GPC6: variants seen among roughly 807,000 people sequenced by gnomAD.
GPC6 encodes the protein glypican-6.
Under a neutral mutation model 55.2 loss-of-function variants are expected in GPC6, and 14 were observed. The observed-to-expected ratio is 0.25, with a 90% CI of 0.17 to 0.40. The LOEUF is 0.40. Among genes scored for constraint, GPC6 ranks in the 10% least tolerant of loss-of-function variants. The probability of loss-of-function intolerance (pLI) is 1.00; values close to 1 mark genes in which losing one functional copy is unlikely to be tolerated. For synonymous variants in GPC6, 278 were observed against 259.6 expected, an observed-to-expected ratio of 1.07 and a Z score of -0.68; for missense variants, 641 against 708.5, an observed-to-expected ratio of 0.90 and a Z score of 1.08.
chr13:93,268,841 C>T (rs1414791365), intron 1 of GPC6, among the ~76,000 whole-genome samples: 1 of 152,070 alleles, frequency 6.6e-6, no homozygotes, highest in African/African-American at 2.4e-5. Flanking sequence ...TCCCAAGACC[C>T]ACTTCTATGC....
intron 2 of GPC6, among the ~76,000 whole-genome samples, chr13:93,811,125 A>C (rs1886682684): frequency 6.6e-6 from 1 of 152,206 alleles, no homozygotes; most frequent in African/African-American, 2.4e-5. Context: ...GATTCAGGAA[A>C]CTGGGGAAAG....
intron 1 of GPC6, among the ~76,000 whole-genome samples, chr13:93,470,220 T>C (rs1879059875): frequency 6.6e-6 from 1 of 152,194 alleles, no homozygotes; most frequent in Non-Finnish European, 1.5e-5. Flanking sequence ...GTGTTCAGTC[T>C]TTCTTCATTA....
At chr13:93,578,253 T>C (rs937456103) in intron 2 of GPC6, among the ~76,000 whole-genome samples, 8 of 152,152 alleles carry the variant, frequency 5.3e-5, no homozygotes, top group Non-Finnish European at 8.8e-5. Context: ...TGTTCAATTT[T>C]TTTTAAAAAG....
chr13:93,952,895 A>G (rs1219504496), intron 3 of GPC6, among the ~76,000 whole-genome samples: 2 of 146,990 alleles, frequency 1.4e-5, no homozygotes, highest in Non-Finnish European at 1.5e-5. Flanking sequence ...TGTGTGATAT[A>G]TACGTGTATA....
At chr13:93,872,969 A>G (rs1889176167) in intron 3 of GPC6, among the ~76,000 whole-genome samples, 1 of 151,978 alleles carries the variant, frequency 6.6e-6, no homozygotes, top group South Asian at 2.1e-4. Context: ...TCAAAACACT[A>G]AAGGCTGGCA....
At chr13:94,233,097 C>T (rs1242522831) in intron 4 of GPC6, among the ~76,000 whole-genome samples, 1 of 136,964 alleles carries the variant, frequency 7.3e-6, no homozygotes, top group Admixed American at 8.2e-5. Context: ...GTGTGAGATA[C>T]AAATATGCAC....
chr13:93,640,299 T>C (rs1422567032), intron 2 of GPC6, among the ~76,000 whole-genome samples: 1 of 152,076 alleles, frequency 6.6e-6, no homozygotes, highest in Admixed American at 6.6e-5. Context: ...TCAAGGACAA[T>C]AGGAAAAATA....
Position 94,403,231 on chromosome 13 carries a change from G to A in GPC6, c.*14G>A. ...CTGTGCAGATAATCTTGGGTTTTTGGTCAGATGAAACTGCATTTTAGCTAT... is the reference window on the plus strand; with the variant it reads ...CTGTGCAGATAATCTTGGGTTTTTGATCAGATGAAACTGCATTTTAGCTAT... On this transcript the variant is annotated 3_prime_UTR_variant, in exon 9 of 9. Transcript: ENST00000377047. 1.3e-6 allele frequency: 2 copies of A among 1,594,362 alleles called. No individual in the cohort carries two copies. The highest frequency in any genetic ancestry group is 1.7e-6 in the Non-Finnish European group (2 of 1,162,880).
chr13:93,243,111 G>A (rs1014909321), intron 1 of GPC6, among the ~76,000 whole-genome samples: 3 of 152,144 alleles, frequency 2.0e-5, no homozygotes, highest in Non-Finnish European at 1.5e-5. Context: ...TGGGCTCATG[G>A]TGGCAAAAAA....
intron 1 of GPC6, among the ~76,000 whole-genome samples, chr13:93,413,369 G>A (rs1328679804): frequency 6.6e-6 from 1 of 152,096 alleles, no homozygotes; most frequent in Admixed American, 6.6e-5. Flanking sequence ...ACATGACTGT[G>A]TATAACCCTC....
chr13:93,581,022 C>T (rs911427135), intron 2 of GPC6, among the ~76,000 whole-genome samples: 9 of 151,976 alleles, frequency 5.9e-5, no homozygotes, highest in Admixed American at 3.3e-4. Context: ...GGAAAATAGG[C>T]GATTTTGAGC....
chr13:93,507,806 T>C (rs1880794459), intron 1 of GPC6, among the ~76,000 whole-genome samples: 2 of 152,124 alleles, frequency 1.3e-5, no homozygotes, highest in South Asian at 4.1e-4. Flanking sequence ...GAGCAAGATA[T>C]GAATGTTTTT....
At chr13:93,244,125 A>G (rs1159283434) in intron 1 of GPC6, among the ~76,000 whole-genome samples, 1 of 152,036 alleles carries the variant, frequency 6.6e-6, no homozygotes, top group Non-Finnish European at 1.5e-5. Context: ...CCACTGGGGT[A>G]ATGTTTCAGA....
chr13:93,321,094 G>C (rs1292579973), intron 1 of GPC6, among the ~76,000 whole-genome samples: 1 of 151,674 alleles, frequency 6.6e-6, no homozygotes, highest in East Asian at 1.9e-4. Context: ...GGTTATAATG[G>C]ACAGTCTATT....
At position 93,651,841 on chromosome 13, in the gene GPC6, G is replaced by A. The variant is rs1482756340; in HGVS notation, c.319+106420G>A. ...GCACATTAGAATCACCTGGGGAGCC[G>A]TTAACAAACACCGACGTCCATATTC... On this transcript the variant is annotated intron_variant, in intron 2 of 8. Coordinates refer to ENST00000377047, the MANE Select transcript of GPC6 (RefSeq NM_005708.5). Among the ~76,000 whole-genome samples the A allele has an allele frequency of 2.6e-5, 4 of 152,204 alleles. No individual in the cohort carries two copies. The South Asian group carries it at 6.2e-4, about 24-fold the overall frequency.
chr13:93,573,645 T>C (rs531640497), intron 2 of GPC6, among the ~76,000 whole-genome samples: 80 of 152,234 alleles, frequency 5.3e-4, no homozygotes, highest in Non-Finnish European at 1.0e-3. Flanking sequence ...CTGGGTAAGA[T>C]TGAGCAATCG....
Position 94,364,858 on chromosome 13 carries a change from A to G in GPC6, c.1153-17556A>G, listed in dbSNP as rs1284707828. 7.2e-5 allele frequency among the ~76,000 whole-genome samples: 11 copies of G among 152,342 alleles called. No individual in the cohort carries two copies. The East Asian group carries it at 2.1e-3, about 29-fold the overall frequency. Reference sequence around the variant, plus strand: ...TATAATATAGGGAAGCTTACAAGGAAGATGCCCCTCCCTATGGCAGTAAAC... The same window carrying G: ...TATAATATAGGGAAGCTTACAAGGAGGATGCCCCTCCCTATGGCAGTAAAC... On this transcript the variant is annotated intron_variant, in intron 6 of 8. Coordinates refer to ENST00000377047, the MANE Select transcript of GPC6 (RefSeq NM_005708.5).
At chr13:93,636,927 G>GTT (rs11299933) in intron 2 of GPC6, among the ~76,000 whole-genome samples, 14 of 145,140 alleles carry the variant, frequency 9.6e-5, no homozygotes, top group Admixed American at 2.1e-4. Flanking sequence ...TAATGGTATA[G>GTT]TTTTTTTTTT....
chr13:94,007,359 A>T (rs574953780), intron 3 of GPC6, among the ~76,000 whole-genome samples: 1 of 152,364 alleles, frequency 6.6e-6, no homozygotes, highest in East Asian at 1.9e-4. Flanking sequence ...CAGCAGGAGG[A>T]ATCGCTGCCC....
Sources: allele counts gnomAD v4.1 joint callset (sites outside exome capture counted in the v4.1 genomes callset), GRCh38; gene constraint gnomAD v4.1.1; transcripts MANE v1.5; gene names NCBI Gene and HGNC (gene_info 2026-07-23, HGNC 2026-07-21).